The following SERHL2 variants were observed in gnomAD, a reference collection of about 807,000 sequenced individuals.
SERHL2 encodes the protein serine hydrolase-like protein 2.
A neutral mutation model predicts 25.5 loss-of-function variants in SERHL2; 29 were observed. That is an observed-to-expected ratio of 1.14 (90% confidence interval 0.85 to 1.55). The LOEUF (loss-of-function observed/expected upper bound fraction) is 1.55, where lower values mean the gene tolerates loss of function less well. Among genes scored for constraint, SERHL2 ranks in the 40% most tolerant of loss-of-function variants. SERHL2 has a pLI of 0.00. For missense variants in SERHL2, 240 were observed against 252.3 expected, an observed-to-expected ratio of 0.95 and a Z score of 0.33; for synonymous variants, 95 against 103.5, an observed-to-expected ratio of 0.92 and a Z score of 0.50.
Position 42,569,112 on chromosome 22 carries a change from A to C in SERHL2, c.649-2009A>C, listed in dbSNP as rs1225880465. On this transcript the variant is annotated intron_variant, in intron 9 of 11. Transcript: ENST00000327678. ...TGGGCAGGCTGGTTTCGAACTCCTG[A>C]CCTCAGGTGATGTGAATTTTTTTTT... 3.3e-5 allele frequency: 5 copies of C among 150,112 alleles called. No homozygotes were observed. In the East Asian group the frequency reaches 7.8e-4, roughly 23 times the overall value. 9.3% of individuals were successfully genotyped at this position (150,112 alleles called of 1,614,324 possible).
At chr22:42,554,893 TG>T in intron 1 of SERHL2, 44 bp from the exon 2 acceptor site, 1 of 1,476,308 alleles carries the variant, frequency 6.8e-7, no homozygotes, top group Non-Finnish European at 9.4e-7. Flanking sequence ...ACCAGCTTCA[TG>T]GGTGAATGAA....
chr22:42,556,260 C>T, intron 5 of SERHL2, 177 bp downstream of exon 5: 1 of 538,826 alleles, frequency 1.9e-6, no homozygotes, highest in South Asian at 2.2e-5. Context: ...GTTCATGTTT[C>T]CACGCCCCCA....
At chr22:42,566,479 A>T in intron 9 of SERHL2, 141 bp downstream of exon 9, 2 of 745,328 alleles carry the variant, frequency 2.7e-6, no homozygotes, top group Non-Finnish European at 4.5e-6. Flanking sequence ...AATCGCTTGA[A>T]TGGGAGGCAG....
In SERHL2 at chr22:42,568,148, G is replaced by C. The variant is rs146374074; in HGVS notation, c.648+1810G>C. ...AAGTGATCTTCCCACCTCAGCCTCC[G>C]GAGTGGCTAGGACTACAGGTGTGCG... On this transcript the variant is annotated intron_variant, in intron 9 of 11. Transcript: ENST00000327678. 2.7e-3 allele frequency among the ~76,000 whole-genome samples: 417 copies of C among 151,758 alleles called. 4 individuals carry two copies. Among genetic ancestry groups the C allele is most frequent in the African/African-American group, 6.9e-3 (285 of 41,488 alleles).
chr22:42,571,429 G>A (rs1924174835), intron 10 of SERHL2: 3 of 1,383,028 alleles, frequency 2.2e-6, no homozygotes, highest in East Asian at 5.9e-5. Context: ...GCTGTCCCAT[G>A]CCTTTCCACA....
intron 8 of SERHL2, among the ~76,000 whole-genome samples, chr22:42,565,854 G>A (rs137037): frequency 6.6e-6 from 1 of 151,378 alleles, no homozygotes; most frequent in South Asian, 2.1e-4. Flanking sequence ...TTTTTTAGTG[G>A]TTTTTGTTTG....
chr22:42,572,540 G>C lies in SERHL2; in HGVS notation c.825+11G>C, dbSNP rs757653697. 13 of 1,610,604 alleles carry C rather than the reference G, an allele frequency of 8.1e-6. No homozygotes were observed. The African/African-American group carries it at 1.5e-4, about 18-fold the overall frequency. ...TCCACCCTCAAAGAGGTAAGACGGG[G>C]CTCAGGCAGCTGGTGTCCAGCCACT... On this transcript the variant is annotated intron_variant, in intron 11 of 11. Transcript: ENST00000327678.
In SERHL2 at chr22:42,572,432, C is replaced by G. The variant is rs775042022; in HGVS notation, c.732-4C>G. The G allele has an allele frequency of 1.9e-6, 3 of 1,606,384 alleles. No individual in the cohort carries two copies. The highest frequency in any genetic ancestry group is 2.2e-5 in the East Asian group (1 of 44,826). On this transcript the variant is annotated splice_polypyrimidine_tract_variant and splice_region_variant and intron_variant, in intron 10 of 11. Transcript: ENST00000327678. ...CCAACAACCCCCAACTCCTCACTTT[C>G]CAGAGCAGTCCACGGATATTTTGAT...
chr22:42,559,747 C>T (rs137025), intron 7 of SERHL2, among the ~76,000 whole-genome samples: 4 of 151,458 alleles, frequency 2.6e-5, no homozygotes, highest in Non-Finnish European at 5.9e-5. Context: ...AAAAAAATCA[C>T]GAGACACATG....
At chr22:42,554,200 GC>G in intron 1 of SERHL2, 158 bp downstream of exon 1, 3 of 919,556 alleles carry the variant, frequency 3.3e-6, no homozygotes, top group African/African-American at 1.6e-5. Flanking sequence ...AGCGCGACCG[GC>G]CAGGAGTTGG....
chr22:42,565,533 C>T (rs1333792476), intron 8 of SERHL2, among the ~76,000 whole-genome samples: 1 of 151,804 alleles, frequency 6.6e-6, no homozygotes, highest in African/African-American at 2.4e-5. Flanking sequence ...ACCATATTGC[C>T]CAGGCTGGTC....
At chr22:42,565,546 G>C (rs1442220864) in intron 8 of SERHL2, among the ~76,000 whole-genome samples, 2 of 151,812 alleles carry the variant, frequency 1.3e-5, no homozygotes, top group Non-Finnish European at 2.9e-5. Context: ...GGCTGGTCTT[G>C]AACTCCTGAC....
intron 1 of SERHL2, 141 bp downstream of exon 1, chr22:42,554,183 G>C: frequency 9.5e-7 from 1 of 1,053,484 alleles, no homozygotes; most frequent in Non-Finnish European, 1.4e-6. Flanking sequence ...CAGTCCCGGG[G>C]CATGAGAGCG....
chr22:42,573,951 G>A lies in SERHL2; in HGVS notation c.841G>A (p.Glu281Lys). The A allele has an allele frequency of 1.9e-6, 3 of 1,610,568 alleles. No homozygotes were observed. The highest frequency in any genetic ancestry group is 2.5e-6 in the Non-Finnish European group (3 of 1,177,454). The change falls in exon 12 of 12, where the codon GAA (glutamate) becomes AAA (lysine). Residue 281 changes from glutamate to lysine, a missense_variant. Transcript: ENST00000327678. ...CCCTCTCCAGCAGTTCCAGTTTGTG[G>A]AAGTCCCAGGCAATCACTGTGTCCA... The part of the protein sequence containing the change: ...STLKEQFQFV[E>K]VPGNHCVHMS...
chr22:42,564,427 AT>A (rs35590765), intron 8 of SERHL2, among the ~76,000 whole-genome samples: 17,519 of 146,198 alleles, frequency 0.12, 1,930 homozygotes, highest in East Asian at 0.6. Context: ...CCGACACAGG[AT>A]TTTTTTTTTT....
At position 42,574,042 on chromosome 22, in the gene SERHL2, C is replaced by A. The variant is rs757388028; in HGVS notation, c.932C>A (p.Pro311Gln). The change falls in exon 12 of 12, where the codon CCA (proline) becomes CAA (glutamine). Residue 311 changes from proline to glutamine, a missense_variant. Physicochemically the swap from Pro to Gln is moderately conservative, Grantham distance 76. Coordinates refer to ENST00000327678, the MANE Select transcript of SERHL2 (RefSeq NM_014509.5). ...TTCTTACAGTGCACACACATGCTCCCAGCCCAGCTGTAGCTCTGGGCCTGG... is the reference window on the plus strand; with the variant it reads ...TTCTTACAGTGCACACACATGCTCCAAGCCCAGCTGTAGCTCTGGGCCTGG... ...SSFLQCTHMLPAQL is the reference protein window; with the variant it reads ...SSFLQCTHMLQAQL 7 of 1,612,708 alleles carry A rather than the reference C, an allele frequency of 4.3e-6. 1 individual carries two copies. The South Asian group carries it at 7.7e-5, about 18-fold the overall frequency.
intron 8 of SERHL2, among the ~76,000 whole-genome samples, chr22:42,564,724 C>A (rs1438989782): frequency 6.6e-6 from 1 of 151,964 alleles, no homozygotes; most frequent in South Asian, 2.1e-4. Flanking sequence ...AGCCACCGCA[C>A]CCGGCCTGAG....
Position 42,573,987 on chromosome 22 carries a change from C to A in SERHL2, c.877C>A (p.Pro293Thr), listed in dbSNP as rs750391942. ...CAATCACTGTGTCCACATGAGCGAA[C>A]CCCAGCACGTGGCCAGTATCATCAG... ...PGNHCVHMSEPQHVASIISSF... is the reference protein window; with the variant it reads ...PGNHCVHMSETQHVASIISSF... The change falls in exon 12 of 12, where the codon CCC (proline) becomes ACC (threonine). Residue 293 changes from proline to threonine, a missense_variant. Around this residue, in one of 4 missense-constraint regions of SERHL2, gnomAD observed 212 missense variants for 168.9 expected, o/e 1.25. Coordinates refer to ENST00000327678, the MANE Select transcript of SERHL2 (RefSeq NM_014509.5). The A allele has an allele frequency of 1.8e-5, 29 of 1,594,468 alleles. No individual in the cohort carries two copies. The highest frequency in any genetic ancestry group is 1.8e-4 in the South Asian group (16 of 90,830).
intron 8 of SERHL2, among the ~76,000 whole-genome samples, chr22:42,561,607 G>T (rs1037297862): frequency 1.3e-5 from 2 of 151,774 alleles, no homozygotes; most frequent in African/African-American, 4.8e-5. Context: ...TGCTAATCAA[G>T]TGGGAATTCA....
Sources: allele counts gnomAD v4.1 joint callset (sites outside exome capture counted in the v4.1 genomes callset), GRCh38; gene constraint gnomAD v4.1.1; regional missense constraint gnomAD v4.1.1; transcripts MANE v1.5; gene names NCBI Gene and HGNC (gene_info 2026-07-23, HGNC 2026-07-21).